The following NTF3 variants were observed in gnomAD, a reference collection of about 807,000 sequenced individuals.
The protein encoded by NTF3 is neurotrophin 3.
Under a neutral mutation model 26.3 loss-of-function variants are expected in NTF3, and 8 were observed. The observed-to-expected ratio is 0.30, with a 90% CI of 0.18 to 0.55. The LOEUF is 0.55. NTF3 is among the 20% of genes least tolerant of loss of function. The pLI is 0.93. For synonymous variants in NTF3, 154 were observed against 145.5 expected, an observed-to-expected ratio of 1.06 and a Z score of -0.42; for missense variants, 276 against 352.9, an observed-to-expected ratio of 0.78 and a Z score of 1.75.
chr12:5,466,615 C>T (rs1940593514), intron 1 of NTF3, among the ~76,000 whole-genome samples: 1 of 152,212 alleles, frequency 6.6e-6, no homozygotes, highest in African/African-American at 2.4e-5. Context: ...AATGGGAACT[C>T]GAAATCTGCT....
chr12:5,443,608 A>G (rs1398813641), intron 1 of NTF3, among the ~76,000 whole-genome samples: 1 of 152,196 alleles, frequency 6.6e-6, no homozygotes, highest in Non-Finnish European at 1.5e-5. Context: ...GTATTCTAGC[A>G]TTGTTCATAG....
At chr12:5,490,946 G>C (rs538701478) in intron 1 of NTF3, among the ~76,000 whole-genome samples, 23 of 152,356 alleles carry the variant, frequency 1.5e-4, no homozygotes, top group African/African-American at 5.3e-4. Context: ...CGTGGCCACA[G>C]GCCATTCAGC....
At chr12:5,491,868 C>T (rs1459798954) in intron 1 of NTF3, among the ~76,000 whole-genome samples, 1 of 151,934 alleles carries the variant, frequency 6.6e-6, no homozygotes, top group Non-Finnish European at 1.5e-5. Flanking sequence ...TACAGGCTGC[C>T]ACCGTGCCCT....
intron 1 of NTF3, among the ~76,000 whole-genome samples, chr12:5,438,849 A>C (rs988693652): frequency 6.6e-6 from 1 of 152,212 alleles, no homozygotes; most frequent in Non-Finnish European, 1.5e-5. Flanking sequence ...TCCCAGTCCC[A>C]TTCCAGCCCT....
chr12:5,482,177 C>T (rs1940815353), intron 1 of NTF3, among the ~76,000 whole-genome samples: 2 of 151,796 alleles, frequency 1.3e-5, no homozygotes, highest in Non-Finnish European at 2.9e-5. Context: ...CACGAGCGCG[C>T]ACACACACAC....
intron 1 of NTF3, among the ~76,000 whole-genome samples, chr12:5,452,747 A>G (rs1940391269): frequency 1.3e-5 from 2 of 152,162 alleles, no homozygotes. Flanking sequence ...CCCCCCACCT[A>G]GGGCAGCCTT....
In NTF3 at chr12:5,487,756, C is replaced by A. The variant is rs373230149; in HGVS notation, c.19-6438C>A. On this transcript the variant is annotated intron_variant, in intron 1 of 1. Coordinates refer to ENST00000423158, the MANE Select transcript of NTF3 (RefSeq NM_001102654.2). ...TAAAGAACAGGATAGGAATCCACTTCCCTGCCCCTTCTCTCACCTGGTTTG... is the reference window on the plus strand; with the variant it reads ...TAAAGAACAGGATAGGAATCCACTTACCTGCCCCTTCTCTCACCTGGTTTG... Among the ~76,000 whole-genome samples, 34 of 152,312 alleles carry A rather than the reference C, an allele frequency of 2.2e-4. 1 individual carries two copies. In the East Asian group the frequency reaches 5.6e-3, roughly 25 times the overall value.
intron 1 of NTF3, among the ~76,000 whole-genome samples, chr12:5,457,822 T>A (rs1940471137): frequency 6.6e-6 from 1 of 152,134 alleles, no homozygotes. Context: ...GACTCTAGTG[T>A]GTGGTCCAGA....
At chr12:5,484,065 C>A (rs1940839129) in intron 1 of NTF3, among the ~76,000 whole-genome samples, 1 of 152,142 alleles carries the variant, frequency 6.6e-6, no homozygotes, top group Admixed American at 6.5e-5. Context: ...CCCAGGAAAC[C>A]CTATTGGTAG....
chr12:5,473,262 A>G (rs1940686742), intron 1 of NTF3, among the ~76,000 whole-genome samples: 1 of 152,156 alleles, frequency 6.6e-6, no homozygotes, highest in South Asian at 2.1e-4. Context: ...TAATTGTGCA[A>G]CTTGTGCTAG....
chr12:5,432,112 A>C lies in NTF3; in HGVS notation c.-213A>C, dbSNP rs1299251793. The C allele has an allele frequency of 6.3e-6, 4 of 633,214 alleles. No individual in the cohort carries two copies. Among genetic ancestry groups the C allele is most frequent in the Non-Finnish European group, 8.6e-6 (3 of 348,592 alleles). The allele number at this position is 633,214 out of a possible 1,614,324, so 39.2% of individuals were successfully genotyped here. A position where few individuals can be genotyped will look rare whatever the true frequency, so the allele number is the denominator to read the frequency against. On this transcript the variant is annotated 5_prime_UTR_variant, in exon 1 of 2. Transcript: ENST00000423158. ...CGCGCAGATTCTGTTCACGGGACTC[A>C]GAGTTGAAGCTCCTCTCCCTTCCGA... is the stretch of plus-strand genomic sequence containing the variant.
chr12:5,432,399 G>A (rs1940103232), intron 1 of NTF3, 57 bp downstream of exon 1: 1 of 1,593,482 alleles, frequency 6.3e-7, no homozygotes, highest in Non-Finnish European at 8.6e-7. Flanking sequence ...GGGTCCACGT[G>A]GGGAGGGATT....
At chr12:5,468,203 T>G (rs934548161) in intron 1 of NTF3, among the ~76,000 whole-genome samples, 2 of 152,206 alleles carry the variant, frequency 1.3e-5, no homozygotes, top group African/African-American at 4.8e-5. Flanking sequence ...TATACACACT[T>G]AAGTGCTCAT....
intron 1 of NTF3, among the ~76,000 whole-genome samples, chr12:5,442,849 G>A (rs556512995): frequency 6.6e-5 from 10 of 152,318 alleles, no homozygotes; most frequent in African/African-American, 2.2e-4. Context: ...GCGAGGTGCC[G>A]TGTGGGATAC....
intron 1 of NTF3, 132 bp downstream of exon 1, chr12:5,432,474 C>G (rs1940105039): frequency 9.5e-7 from 1 of 1,056,678 alleles, no homozygotes; most frequent in Admixed American, 2.1e-5. Flanking sequence ...GCGCCGCGCT[C>G]ACTCACTTTC....
intron 1 of NTF3, among the ~76,000 whole-genome samples, chr12:5,440,263 T>C (rs939405978): frequency 6.6e-6 from 1 of 152,206 alleles, no homozygotes; most frequent in Non-Finnish European, 1.5e-5. Context: ...TACTCAAAAA[T>C]TATGTATTTA....
chr12:5,432,047 C>T (rs969507724), upstream of NTF3: 4 of 318,802 alleles, frequency 1.3e-5, no homozygotes, highest in Non-Finnish European at 2.4e-5. Context: ...GGTTAAGGCG[C>T]TGAGCGCGGA....
At chr12:5,448,848 A>G (rs1025564719) in intron 1 of NTF3, among the ~76,000 whole-genome samples, 3 of 152,240 alleles carry the variant, frequency 2.0e-5, no homozygotes, top group African/African-American at 7.2e-5. Flanking sequence ...CATTTATCTA[A>G]TGTGAAAAAT....
intron 1 of NTF3, among the ~76,000 whole-genome samples, chr12:5,444,926 C>G (rs182294489): frequency 2.0e-3 from 311 of 152,312 alleles, no homozygotes; most frequent in African/African-American, 6.4e-3. Context: ...GCGATTATCT[C>G]AGCCTGGGAG....
Sources: gnomAD v4.1 joint callset for allele counts (sites outside exome capture counted in the v4.1 genomes callset) on GRCh38, gnomAD v4.1.1 for gene constraint, MANE v1.5 for transcripts, NCBI Gene and HGNC (gene_info 2026-07-23, HGNC 2026-07-21) for gene names.